Variants in HS6ST3 observed in about 807,000 individuals in gnomAD.
The protein encoded by HS6ST3 is heparan-sulfate 6-O-sulfotransferase 3.
HS6ST3 carries 12 observed loss-of-function variants against 36.7 expected under a neutral mutation model. The ratio of observed to expected loss-of-function variants is 0.33; its 90% CI spans 0.21 to 0.53. HS6ST3 has a LOEUF of 0.53. Among genes scored for constraint, HS6ST3 ranks in the 20% least tolerant of loss-of-function variants. The pLI, the probability that HS6ST3 is intolerant of heterozygous loss-of-function variation, is 0.95. For synonymous variants in HS6ST3, 240 were observed against 257.5 expected (o/e 0.93, Z 0.65); for missense variants, 584 against 640.9 (o/e 0.91, Z 0.96).
intron 1 of HS6ST3, among the ~76,000 whole-genome samples, chr13:96,783,576 T>C (rs1402398620): frequency 6.6e-6 from 1 of 152,048 alleles, no homozygotes; most frequent in Admixed American, 6.6e-5. Flanking sequence ...AAGCTTTTTT[T>C]TTTTTTTCTG....
intron 1 of HS6ST3, among the ~76,000 whole-genome samples, chr13:96,197,827 A>G (rs1460713027): frequency 6.6e-6 from 1 of 152,128 alleles, no homozygotes; most frequent in Non-Finnish European, 1.5e-5. Flanking sequence ...TGGCTTTTCC[A>G]GGTGCGTGGT....
chr13:96,278,115 T>C (rs1004478046), intron 1 of HS6ST3, among the ~76,000 whole-genome samples: 5 of 152,164 alleles, frequency 3.3e-5, no homozygotes, highest in African/African-American at 1.2e-4. Flanking sequence ...CTATACTTAT[T>C]GTAAGGTCGA....
intron 1 of HS6ST3, among the ~76,000 whole-genome samples, chr13:96,768,832 T>A (rs141511717): frequency 6.6e-6 from 1 of 152,066 alleles, no homozygotes; most frequent in African/African-American, 2.4e-5. Context: ...GGTGGCCCCT[T>A]GAGTCAAGAA....
chr13:96,214,546 T>C (rs1273835785), intron 1 of HS6ST3, among the ~76,000 whole-genome samples: 1 of 152,224 alleles, frequency 6.6e-6, no homozygotes, highest in Admixed American at 6.5e-5. Context: ...CAAACTAGTA[T>C]TTGAAAGTTT....
intron 1 of HS6ST3, among the ~76,000 whole-genome samples, chr13:96,724,683 A>T (rs1020892552): frequency 6.6e-6 from 1 of 152,150 alleles, no homozygotes; most frequent in Admixed American, 6.5e-5. Flanking sequence ...TTTGAGATTC[A>T]TCTATATTTT....
At chr13:96,295,996 A>G (rs1033196413) in intron 1 of HS6ST3, among the ~76,000 whole-genome samples, 10 of 152,142 alleles carry the variant, frequency 6.6e-5, no homozygotes, top group African/African-American at 2.4e-4. Flanking sequence ...CCCATTGTCT[A>G]GTCTAGTCCT....
At chr13:96,233,260 C>CT (rs1426961212) in intron 1 of HS6ST3, among the ~76,000 whole-genome samples, 1 of 152,034 alleles carries the variant, frequency 6.6e-6, no homozygotes, top group African/African-American at 2.4e-5. Context: ...AGAAAAAGGA[C>CT]TTTTTATTTA....
At chr13:96,557,392 G>A (rs2056245116) in intron 1 of HS6ST3, among the ~76,000 whole-genome samples, 1 of 152,052 alleles carries the variant, frequency 6.6e-6, no homozygotes, top group Admixed American at 6.6e-5. Flanking sequence ...CTGAAGTGGT[G>A]GTCTTATAAG....
chr13:96,166,131 C>T (rs1257561331), intron 1 of HS6ST3, among the ~76,000 whole-genome samples: 2 of 151,896 alleles, frequency 1.3e-5, no homozygotes, highest in Non-Finnish European at 2.9e-5. Context: ...AATTATAGCT[C>T]ACTGTGGCCT....
intron 1 of HS6ST3, among the ~76,000 whole-genome samples, chr13:96,710,409 A>G (rs79687056): frequency 0.1 from 15,418 of 152,308 alleles, 823 homozygotes; most frequent in Admixed American, 0.17. Flanking sequence ...CTGAGCACAG[A>G]CCATCCAGAG....
At position 96,091,372 on chromosome 13, in the gene HS6ST3, G is replaced by T; in HGVS notation, c.510G>T (p.Arg170=). ...TFGRHLVKNI[R]LEQPCSCKAG... ...GCCGGCACCTGGTGAAGAACATCCG[G>T]CTGGAGCAGCCTTGTAGCTGCAAAG... The change falls in exon 1 of 2, where the codon CGG becomes CGT. Residue 170 remains arginine, a synonymous_variant. Transcript: ENST00000376705. The T allele has an allele frequency of 6.2e-7, 1 of 1,614,068 alleles. No individual in the cohort carries two copies. Among genetic ancestry groups the T allele is most frequent in the Non-Finnish European group, 8.5e-7 (1 of 1,179,994 alleles).
At chr13:96,414,900 T>C (rs1398684441) in intron 1 of HS6ST3, among the ~76,000 whole-genome samples, 2 of 152,204 alleles carry the variant, frequency 1.3e-5, no homozygotes, top group African/African-American at 2.4e-5. Flanking sequence ...GCATATTTTA[T>C]AAGAAAGGAT....
chr13:96,169,364 G>A (rs1279175340), intron 1 of HS6ST3, among the ~76,000 whole-genome samples: 1 of 152,078 alleles, frequency 6.6e-6, no homozygotes, highest in Non-Finnish European at 1.5e-5. Context: ...CTGTTTGGTA[G>A]CATTGGAATG....
intron 1 of HS6ST3, among the ~76,000 whole-genome samples, chr13:96,602,237 AG>A (rs1412740866): frequency 1.3e-5 from 2 of 152,058 alleles, no homozygotes; most frequent in African/African-American, 4.8e-5. Context: ...TCCTTAAAAT[AG>A]TTATTTTTTA....
chr13:96,619,630 A>C (rs1372878720), intron 1 of HS6ST3, among the ~76,000 whole-genome samples: 1 of 152,204 alleles, frequency 6.6e-6, no homozygotes. Flanking sequence ...AGCCTGTGAA[A>C]TTGGATTTTA....
intron 1 of HS6ST3, among the ~76,000 whole-genome samples, chr13:96,377,448 A>G (rs906532746): frequency 6.6e-6 from 1 of 152,182 alleles, no homozygotes; most frequent in African/African-American, 2.4e-5. Flanking sequence ...TTAAAAGCGA[A>G]AATACACACA....
At chr13:96,608,885 GTAA>G (rs2056447793) in intron 1 of HS6ST3, among the ~76,000 whole-genome samples, 2 of 152,076 alleles carry the variant, frequency 1.3e-5, no homozygotes, top group Admixed American at 1.3e-4. Context: ...GGTATCACTG[GTAA>G]TAATTCATTA....
At chr13:96,782,574 G>C (rs1236398717) in intron 1 of HS6ST3, among the ~76,000 whole-genome samples, 1 of 152,130 alleles carries the variant, frequency 6.6e-6, no homozygotes, top group Non-Finnish European at 1.5e-5. Context: ...TGGCAAATGT[G>C]ATGCTCTTTC....
chr13:96,485,402 A>T (rs528757462), intron 1 of HS6ST3, among the ~76,000 whole-genome samples: 47 of 152,212 alleles, frequency 3.1e-4, no homozygotes, highest in African/African-American at 1.1e-3. Flanking sequence ...TGCTGGTGTT[A>T]GGGAAGCAAC....
Sources: gnomAD v4.1 joint callset for allele counts (sites outside exome capture counted in the v4.1 genomes callset) on GRCh38, gnomAD v4.1.1 for gene constraint, MANE v1.5 for transcripts, NCBI Gene and HGNC (gene_info 2026-07-23, HGNC 2026-07-21) for gene names.